Variants in CAMTA1 observed in about 807,000 individuals in gnomAD.
The protein encoded by CAMTA1 is calmodulin binding transcription activator 1, also known as calmodulin-binding transcription activator 1.
In CAMTA1, 27 loss-of-function variants were observed where a neutral mutation model predicts 170.9. That is an observed-to-expected ratio of 0.16 (90% CI 0.12 to 0.22). The LOEUF (loss-of-function observed/expected upper bound fraction) is 0.22, where lower values mean the gene tolerates loss of function less well. Ranked by LOEUF, CAMTA1 falls within the 10% of genes least tolerant of loss-of-function variation. CAMTA1 has a pLI of 1.00. For synonymous variants in CAMTA1, 833 were observed against 891.5 expected (o/e 0.93, Z 1.17); for missense variants, 1,619 against 2,217.2 (o/e 0.73, Z 5.42).
intron 7 of CAMTA1, among the ~76,000 whole-genome samples, chr1:7,654,994 CCA>C (rs1166931626): frequency 6.7e-4 from 65 of 97,590 alleles, no homozygotes; most frequent in African/African-American, 1.8e-3. Flanking sequence ...ATACACACAC[CCA>C]CACACACCTA....
intron 5 of CAMTA1, among the ~76,000 whole-genome samples, chr1:7,352,048 A>G (rs1403177755): frequency 6.6e-6 from 1 of 152,204 alleles, no homozygotes; most frequent in Non-Finnish European, 1.5e-5. Context: ...AGGATGGCCC[A>G]GACAAAAGTC....
chr1:7,376,111 G>T (rs527597907), intron 5 of CAMTA1, among the ~76,000 whole-genome samples: 4 of 152,196 alleles, frequency 2.6e-5, no homozygotes, highest in African/African-American at 9.6e-5. Context: ...GGCTCCCTTG[G>T]GTCTTGTTTA....
intron 4 of CAMTA1, among the ~76,000 whole-genome samples, chr1:7,183,864 A>G (rs1652717892): frequency 6.6e-6 from 1 of 152,204 alleles, no homozygotes; most frequent in South Asian, 2.1e-4. Flanking sequence ...TAAATTTATG[A>G]TATGAAAATT....
At chr1:7,250,488 C>T (rs1392083001) in intron 5 of CAMTA1, among the ~76,000 whole-genome samples, 1 of 152,194 alleles carries the variant, frequency 6.6e-6, no homozygotes, top group African/African-American at 2.4e-5. Flanking sequence ...CCTGTTATTT[C>T]GAACGGGTCA....
chr1:7,510,994 C>T lies in CAMTA1; in HGVS notation c.510+43093C>T, dbSNP rs995208798. On this transcript the variant is annotated intron_variant, in intron 6 of 22. Transcript: ENST00000303635. ...TTTCCAGGGAGGCTCCTGGGAGCTT[C>T]GAGCCTCCCCTCTTTAAACTCTCCG... Among the ~76,000 whole-genome samples, 4 of 144,778 alleles carry T rather than the reference C, an allele frequency of 2.8e-5. 1 individual carries two copies. The highest frequency in any genetic ancestry group is 4.6e-5 in the Non-Finnish European group (3 of 64,634). 95.0% of individuals were successfully genotyped at this position (144,778 alleles called of 152,430 possible).
In CAMTA1 at chr1:6,837,207, C is replaced by T. The variant is rs570663387; in HGVS notation, c.234+11997C>T. On this transcript the variant is annotated intron_variant, in intron 3 of 22. Coordinates refer to ENST00000303635, the MANE Select transcript of CAMTA1 (RefSeq NM_015215.4). ...TCCTGACCTCGTGATCCACCCGCCT[C>T]GGCCTCCCAAAGTGCTGGGATTACA... 1.2e-4 allele frequency among the ~76,000 whole-genome samples: 19 copies of T among 152,222 alleles called. No homozygotes were observed. In the East Asian group the frequency reaches 1.4e-3, roughly 11 times the overall value.
chr1:7,319,436 A>G (rs1300373062), intron 5 of CAMTA1, among the ~76,000 whole-genome samples: 5 of 152,268 alleles, frequency 3.3e-5, no homozygotes, highest in South Asian at 2.1e-4. Flanking sequence ...TGCCCCGGCC[A>G]TGTGAAATGC....
intron 11 of CAMTA1, among the ~76,000 whole-genome samples, chr1:7,716,984 T>C (rs895450877): frequency 6.6e-6 from 1 of 152,146 alleles, no homozygotes; most frequent in African/African-American, 2.4e-5. Context: ...CAGAGCTGAA[T>C]ATGGACAGCA....
intron 16 of CAMTA1, among the ~76,000 whole-genome samples, chr1:7,743,647 T>C (rs915576610): frequency 1.3e-5 from 2 of 152,074 alleles, no homozygotes; most frequent in Non-Finnish European, 2.9e-5. Context: ...GAGAAGCATT[T>C]TGTCACTTTG....
At chr1:7,427,138 G>C (rs2091908031) in intron 5 of CAMTA1, among the ~76,000 whole-genome samples, 1 of 152,158 alleles carries the variant, frequency 6.6e-6, no homozygotes, top group Non-Finnish European at 1.5e-5. Context: ...GCCGAGAAGA[G>C]CTGTTTATTA....
intron 5 of CAMTA1, among the ~76,000 whole-genome samples, chr1:7,263,291 T>C (rs892548465): frequency 2.6e-5 from 4 of 152,218 alleles, no homozygotes; most frequent in African/African-American, 4.8e-5. Flanking sequence ...TTTTATACTT[T>C]CTTTTGCAAA....
At chr1:6,884,698 T>C (rs1212277448) in intron 3 of CAMTA1, among the ~76,000 whole-genome samples, 2 of 152,182 alleles carry the variant, frequency 1.3e-5, no homozygotes, top group Non-Finnish European at 2.9e-5. Context: ...TGAGGAAGTA[T>C]TTGTGAACCC....
chr1:6,907,264 G>T (rs1216727630), intron 3 of CAMTA1, among the ~76,000 whole-genome samples: 1 of 152,168 alleles, frequency 6.6e-6, no homozygotes, highest in African/African-American at 2.4e-5. Flanking sequence ...AGACATCTGG[G>T]CTCTGGGATG....
chr1:6,982,608 A>G (rs1204274127), intron 3 of CAMTA1, among the ~76,000 whole-genome samples: 1 of 152,032 alleles, frequency 6.6e-6, no homozygotes, highest in Non-Finnish European at 1.5e-5. Context: ...TACTTGTCTC[A>G]TGATCTAGCG....
rs540122009 is a variant in CAMTA1, at chr1:7,149,041, G to A, written c.302+57670G>A. ...GTGGGCACATTCCCGAGGTACGGGG[G>A]CCTGGTGTTTCCACAATCATCCACT... On this transcript the variant is annotated intron_variant, in intron 4 of 22. Transcript: ENST00000303635. 4.0e-5 allele frequency among the ~76,000 whole-genome samples: 6 copies of A among 151,498 alleles called. No individual in the cohort carries two copies. In the East Asian group the frequency reaches 1.2e-3, roughly 29 times the overall value.
rs1240966771 is a variant in CAMTA1 at position 7,122,771 on chromosome 1, G to A, written c.302+31400G>A. Among the ~76,000 whole-genome samples, 19 of 152,118 alleles carry A rather than the reference G, an allele frequency of 1.2e-4. 1 individual carries two copies. Among genetic ancestry groups the A allele is most frequent in the Admixed American group, 1.2e-3 (19 of 15,274 alleles). ...CGCCTCCCATGCCCATCTTCACTCCGCAGCCTCCCTGCTGCTGAAGCCAGA... is the reference window on the plus strand; with the variant it reads ...CGCCTCCCATGCCCATCTTCACTCCACAGCCTCCCTGCTGCTGAAGCCAGA... On this transcript the variant is annotated intron_variant, in intron 4 of 22. Coordinates refer to ENST00000303635, the MANE Select transcript of CAMTA1 (RefSeq NM_015215.4).
chr1:6,811,020 G>A (rs551287759), intron 1 of CAMTA1, among the ~76,000 whole-genome samples: 5 of 152,284 alleles, frequency 3.3e-5, no homozygotes, highest in African/African-American at 1.2e-4. Context: ...AGGTGGTGAC[G>A]CTTCTCAGGA....
intron 3 of CAMTA1, among the ~76,000 whole-genome samples, chr1:6,953,310 G>A (rs1036536905): frequency 3.3e-5 from 5 of 152,198 alleles, no homozygotes; most frequent in African/African-American, 4.8e-5. Flanking sequence ...TGGCCCTTGT[G>A]AGCCATGTGG....
intron 5 of CAMTA1, among the ~76,000 whole-genome samples, chr1:7,289,860 A>G (rs1403697546): frequency 6.6e-6 from 1 of 152,174 alleles, no homozygotes; most frequent in Non-Finnish European, 1.5e-5. Flanking sequence ...GCTCCTCCCC[A>G]GAGCCTTCAG....
Sources: allele counts gnomAD v4.1 joint callset (sites outside exome capture counted in the v4.1 genomes callset), GRCh38; gene constraint gnomAD v4.1.1; transcripts MANE v1.5; gene names NCBI Gene and HGNC (gene_info 2026-07-23, HGNC 2026-07-21).